Variants in CSMD1 observed in about 807,000 individuals in gnomAD.
CSMD1 encodes CUB and Sushi multiple domains 1.
CSMD1 carries 213 observed loss-of-function variants against 417.5 expected under a neutral mutation model. The ratio of observed to expected loss-of-function variants is 0.51; its 90% CI spans 0.46 to 0.57. CSMD1 has a LOEUF of 0.57. CSMD1 is among the 20% of genes least tolerant of loss of function. The pLI, the probability that CSMD1 is intolerant of heterozygous loss-of-function variation, is 0.00. For missense variants in CSMD1, 6,923 were observed against 4,529.7 expected (o/e 1.53, Z -15.17); for synonymous variants, 2,862 against 1,736.8 (o/e 1.65, Z -16.11).
At chr8:4,455,163 G>C (rs62481021) in intron 2 of CSMD1, among the ~76,000 whole-genome samples, 1 of 152,070 alleles carries the variant, frequency 6.6e-6, no homozygotes, top group South Asian at 2.1e-4. Context: ...AAGGAAAATG[G>C]TATTTCAGAA....
intron 1 of CSMD1, among the ~76,000 whole-genome samples, chr8:4,882,220 CT>C (rs1410114264): frequency 1.3e-5 from 2 of 151,944 alleles, no homozygotes; most frequent in Non-Finnish European, 2.9e-5. Context: ...TTCCCACACA[CT>C]GGGACCAGCA....
At chr8:3,090,617 G>C (rs1401967960) in intron 48 of CSMD1, among the ~76,000 whole-genome samples, 1 of 152,050 alleles carries the variant, frequency 6.6e-6, no homozygotes, top group Non-Finnish European at 1.5e-5. Context: ...GACGCTCGTA[G>C]TCCCTAAAGA....
intron 1 of CSMD1, among the ~76,000 whole-genome samples, chr8:4,869,582 A>T (rs189233033): frequency 6.6e-6 from 1 of 152,168 alleles, no homozygotes; most frequent in Admixed American, 6.5e-5. Flanking sequence ...TTTGTGTTAA[A>T]TGTTGTAGTT....
At chr8:4,556,053 A>G (rs1181933728) in intron 2 of CSMD1, among the ~76,000 whole-genome samples, 1 of 152,084 alleles carries the variant, frequency 6.6e-6, no homozygotes, top group Admixed American at 6.5e-5. Flanking sequence ...AAATATAATT[A>G]TTTTAGTTTA....
chr8:4,721,669 T>C (rs1411175894), intron 1 of CSMD1, among the ~76,000 whole-genome samples: 1 of 152,058 alleles, frequency 6.6e-6, no homozygotes, highest in Admixed American at 6.6e-5. Context: ...AAATTAAACA[T>C]AGAAATATCA....
intron 26 of CSMD1, among the ~76,000 whole-genome samples, chr8:3,251,060 T>G (rs1457284158): frequency 6.6e-6 from 1 of 152,190 alleles, no homozygotes; most frequent in Non-Finnish European, 1.5e-5. Flanking sequence ...AGAAGCTCTT[T>G]AGTTTAATTA....
intron 10 of CSMD1, among the ~76,000 whole-genome samples, chr8:3,535,282 G>C (rs959178934): frequency 6.6e-6 from 1 of 152,068 alleles, no homozygotes; most frequent in Admixed American, 6.5e-5. Flanking sequence ...AGACGACACT[G>C]AAATAGTTAT....
chr8:3,576,408 G>C (rs903000990), intron 9 of CSMD1, among the ~76,000 whole-genome samples: 6 of 152,002 alleles, frequency 3.9e-5, no homozygotes, highest in African/African-American at 1.4e-4. Flanking sequence ...CTTAGGAACT[G>C]TCCTCTTTCT....
chr8:3,738,173 G>C (rs976585230), intron 6 of CSMD1, among the ~76,000 whole-genome samples: 2 of 152,028 alleles, frequency 1.3e-5, no homozygotes, highest in Non-Finnish European at 2.9e-5. Context: ...TATGCCCTTT[G>C]ATCTATACAT....
intron 3 of CSMD1, among the ~76,000 whole-genome samples, chr8:4,191,559 G>C (rs945005527): frequency 6.6e-6 from 1 of 152,106 alleles, no homozygotes; most frequent in African/African-American, 2.4e-5. Flanking sequence ...AACTGAAAAT[G>C]CTTGTACTTC....
intron 5 of CSMD1, among the ~76,000 whole-genome samples, chr8:3,979,611 T>C (rs902524880): frequency 1.2e-4 from 19 of 152,206 alleles, no homozygotes; most frequent in African/African-American, 4.6e-4. Context: ...ATGATGAGAT[T>C]ATAAAAAGAG....
At chr8:3,308,263 A>T in intron 24 of CSMD1, 49 bp downstream of exon 24, 1 of 1,428,762 alleles carries the variant, frequency 7.0e-7, no homozygotes, top group Non-Finnish European at 9.6e-7. Context: ...TGGTGCAAGC[A>T]CCCTAAGGCC....
intron 26 of CSMD1, among the ~76,000 whole-genome samples, chr8:3,271,598 C>G (rs550641643): frequency 6.6e-6 from 1 of 152,006 alleles, no homozygotes; most frequent in African/African-American, 2.4e-5. Context: ...CTGTTGTTTC[C>G]TCACTTTTTA....
intron 7 of CSMD1, among the ~76,000 whole-genome samples, chr8:3,677,439 C>G (rs914552741): frequency 6.6e-5 from 10 of 152,294 alleles, no homozygotes; most frequent in African/African-American, 1.4e-4. Flanking sequence ...TCCCACAGTA[C>G]AGGTTGTCAG....
intron 1 of CSMD1, among the ~76,000 whole-genome samples, chr8:4,880,767 A>G (rs1376956570): frequency 1.3e-5 from 2 of 152,058 alleles, no homozygotes; most frequent in Non-Finnish European, 2.9e-5. Context: ...TGCCTTCAAT[A>G]TACTCATTTC....
chr8:4,961,577 A>C (rs1012951632), intron 1 of CSMD1, among the ~76,000 whole-genome samples: 12 of 152,292 alleles, frequency 7.9e-5, no homozygotes, highest in African/African-American at 2.6e-4. Flanking sequence ...ATTGTTATCT[A>C]GTGCTCATGG....
chr8:4,570,746 G>C (rs553767946), intron 2 of CSMD1, among the ~76,000 whole-genome samples: 1 of 152,270 alleles, frequency 6.6e-6, no homozygotes, highest in South Asian at 2.1e-4. Context: ...ACCTCTTGTA[G>C]AATTCGGCTG....
chr8:4,383,088 T>A (rs2128919764), intron 3 of CSMD1, among the ~76,000 whole-genome samples: 1 of 152,318 alleles, frequency 6.6e-6, no homozygotes, highest in African/African-American at 2.4e-5. Flanking sequence ...GATTAAGCAA[T>A]GCTATCATCC....
chr8:3,988,494 G>A (rs371918529), intron 5 of CSMD1, among the ~76,000 whole-genome samples: 1 of 152,196 alleles, frequency 6.6e-6, no homozygotes, highest in Non-Finnish European at 1.5e-5. Flanking sequence ...CGGAACAGCA[G>A]CACCAACCAG....
Sources: allele counts gnomAD v4.1 joint callset (sites outside exome capture counted in the v4.1 genomes callset), GRCh38; gene constraint gnomAD v4.1.1; transcripts MANE v1.5; gene names NCBI Gene and HGNC (gene_info 2026-07-23, HGNC 2026-07-21).